TEX11: variants seen among roughly 807,000 people sequenced by gnomAD.
TEX11 encodes the protein testis expressed 11, also known as testis-expressed protein 11.
A neutral mutation model predicts 84.4 loss-of-function variants in TEX11; 7 were observed. The observed-to-expected ratio is 0.08, with a 90% CI of 0.05 to 0.16. The LOEUF is 0.16. TEX11 is among the 10% of genes least tolerant of loss of function. The pLI is 1.00. For missense variants in TEX11, 551 were observed against 660.5 expected, an observed-to-expected ratio of 0.83 and a Z score of 1.82; for synonymous variants, 264 against 222.8, an observed-to-expected ratio of 1.18 and a Z score of -1.64.
rs769628507 is a variant in TEX11 at position 70,593,643 on chromosome X, T to C, written c.2068-1820A>G. Among the ~76,000 whole-genome samples the C allele has an allele frequency of 1.7e-4, 19 of 111,909 alleles. 1 individual carries two copies. The South Asian group carries it at 7.1e-3, about 42-fold the overall frequency. On this transcript the variant is annotated intron_variant, in intron 24 of 29. Transcript: ENST00000374333. ...AAACCACACTTAAAGAAAGAAGGTA[T>C]GATAAAAATGTTCATCAAAAATGAA...
At chrX:70,683,644 G>A (rs1228374810) in intron 13 of TEX11, among the ~76,000 whole-genome samples, 1 of 111,303 alleles carries the variant, frequency 9.0e-6, no homozygotes, top group Non-Finnish European at 1.9e-5. Context: ...AAATCCCAAT[G>A]ATGTGTTTTG....
chrX:70,637,354 G>A (rs1340073005), intron 17 of TEX11, among the ~76,000 whole-genome samples: 1 of 112,615 alleles, frequency 8.9e-6, no homozygotes, highest in Non-Finnish European at 1.9e-5. Flanking sequence ...AAGACAGTAT[G>A]GTGATTTCTC....
intron 8 of TEX11, among the ~76,000 whole-genome samples, chrX:70,826,185 C>G (rs1364200426): frequency 9.1e-6 from 1 of 109,642 alleles, no homozygotes; most frequent in Admixed American, 9.7e-5. Context: ...GTGGCTCATG[C>G]CTGTAATCCC....
At chrX:70,824,905 C>CA (rs1247681423) in intron 8 of TEX11, among the ~76,000 whole-genome samples, 1 of 111,321 alleles carries the variant, frequency 9.0e-6, no homozygotes, top group East Asian at 2.8e-4. Flanking sequence ...CCATAACCCA[C>CA]AAAAAATGAG....
intron 25 of TEX11, among the ~76,000 whole-genome samples, chrX:70,577,928 A>G (rs1035459111): frequency 9.0e-6 from 1 of 110,661 alleles, no homozygotes; most frequent in African/African-American, 3.3e-5. Context: ...GGGTTTCACC[A>G]AGTTGGCCAA....
At chrX:70,732,374 G>T (rs1298375328) in intron 11 of TEX11, among the ~76,000 whole-genome samples, 1 of 111,642 alleles carries the variant, frequency 9.0e-6, no homozygotes, top group African/African-American at 3.3e-5. Context: ...CCTGTTTGCA[G>T]ATGACATGAT....
At chrX:70,743,377 C>T (rs1009742088) in intron 10 of TEX11, among the ~76,000 whole-genome samples, 11 of 112,162 alleles carry the variant, frequency 9.8e-5, no homozygotes, top group African/African-American at 3.6e-4. Context: ...TATCCAGTTA[C>T]ATTTTGATTA....
intron 8 of TEX11, among the ~76,000 whole-genome samples, chrX:70,814,065 T>C (rs2091273376): frequency 9.0e-6 from 1 of 111,731 alleles, no homozygotes; most frequent in Non-Finnish European, 1.9e-5. Context: ...CCCATCAAGC[T>C]ACCAATGACT....
downstream of TEX11, among the ~76,000 whole-genome samples, chrX:70,524,900 A>G (rs1332761504): frequency 8.9e-6 from 1 of 112,596 alleles, no homozygotes; most frequent in Non-Finnish European, 1.9e-5. Context: ...TAGGCCGGAC[A>G]TGGCGGCTCA....
chrX:70,531,148 T>G (rs1221790631), intron 28 of TEX11, among the ~76,000 whole-genome samples: 1 of 111,804 alleles, frequency 8.9e-6, no homozygotes, highest in Non-Finnish European at 1.9e-5. Flanking sequence ...TCCAGACTAT[T>G]GAGTTCCTTG....
At chrX:70,655,569 G>C (rs1183189811) in intron 16 of TEX11, among the ~76,000 whole-genome samples, 1 of 111,268 alleles carries the variant, frequency 9.0e-6, no homozygotes, top group Non-Finnish European at 1.9e-5. Flanking sequence ...AGGAACATCT[G>C]TACATATATG....
At chrX:70,904,143 T>C (rs757640253) in intron 2 of TEX11, among the ~76,000 whole-genome samples, 7 of 109,711 alleles carry the variant, frequency 6.4e-5, no homozygotes, top group Non-Finnish European at 1.1e-4. Flanking sequence ...TTTATTGAGA[T>C]TGGTGATACA....
intron 5 of TEX11, among the ~76,000 whole-genome samples, chrX:70,858,720 A>G (rs758039774): frequency 1.8e-5 from 2 of 111,892 alleles, no homozygotes; most frequent in East Asian, 5.6e-4. Flanking sequence ...GCAAAATTAT[A>G]CATGTTGAAT....
intron 9 of TEX11, among the ~76,000 whole-genome samples, chrX:70,805,817 A>G (rs2091215868): frequency 8.9e-6 from 1 of 112,160 alleles, no homozygotes; most frequent in Non-Finnish European, 1.9e-5. Context: ...TGTGTGTCAG[A>G]ATCTGTGCTG....
intron 16 of TEX11, among the ~76,000 whole-genome samples, chrX:70,662,329 G>T (rs2089937407): frequency 9.0e-6 from 1 of 111,517 alleles, no homozygotes; most frequent in Admixed American, 9.5e-5. Context: ...AGAATAAAAA[G>T]AAATGAAAAA....
intron 20 of TEX11, among the ~76,000 whole-genome samples, chrX:70,618,274 G>C (rs759710210): frequency 9.0e-6 from 1 of 111,270 alleles, no homozygotes; most frequent in Admixed American, 9.5e-5. Flanking sequence ...AAATCTGAGA[G>C]GTGCATTAAT....
intron 9 of TEX11, among the ~76,000 whole-genome samples, chrX:70,760,019 T>G (rs775779578): frequency 2.0e-3 from 226 of 111,495 alleles, no homozygotes; most frequent in Non-Finnish European, 3.6e-3. Flanking sequence ...TCACAATTAC[T>G]ACAAAGAGAA....
At chrX:70,615,781 A>C (rs1395381509) in intron 20 of TEX11, among the ~76,000 whole-genome samples, 3 of 112,450 alleles carry the variant, frequency 2.7e-5, no homozygotes, top group African/African-American at 9.7e-5. Flanking sequence ...GAATCCTAAA[A>C]GCAACAGAAA....
At chrX:70,541,775 A>G (rs944737667) in intron 28 of TEX11, among the ~76,000 whole-genome samples, 1 of 112,186 alleles carries the variant, frequency 8.9e-6, no homozygotes, top group Non-Finnish European at 1.9e-5. Context: ...AACAAACAAT[A>G]AAAAGAGTAC....
Sources: allele counts gnomAD v4.1 joint callset (sites outside exome capture counted in the v4.1 genomes callset), GRCh38; gene constraint gnomAD v4.1.1; transcripts MANE v1.5; gene names NCBI Gene and HGNC (gene_info 2026-07-23, HGNC 2026-07-21).